SMIM14: variants seen among roughly 807,000 people sequenced by gnomAD.
The protein encoded by SMIM14 is small integral membrane protein 14, also known as chromosome 4 open reading frame 34.
SMIM14 carries 5 observed loss-of-function variants against 12.6 expected under a neutral mutation model. The ratio of observed to expected loss-of-function variants is 0.40; its 90% CI spans 0.21 to 0.83. SMIM14 has a LOEUF of 0.83. SMIM14 is among the 40% of genes least tolerant of loss of function. The probability of loss-of-function intolerance (pLI) is 0.37; values close to 1 mark genes in which losing one functional copy is unlikely to be tolerated. For missense variants in SMIM14, 86 were observed against 119.1 expected (o/e 0.72, Z 1.29); for synonymous variants, 30 against 40.1 (o/e 0.75, Z 0.95).
chr4:39,591,831 G>C (rs1714096608), intron 2 of SMIM14, among the ~76,000 whole-genome samples: 2 of 152,146 alleles, frequency 1.3e-5, no homozygotes, highest in South Asian at 2.1e-4. Flanking sequence ...CTCCCAAAGT[G>C]CTGGGATTAC....
chr4:39,606,034 G>A (rs770664339), intron 1 of SMIM14, among the ~76,000 whole-genome samples: 7 of 151,722 alleles, frequency 4.6e-5, no homozygotes, highest in Non-Finnish European at 8.8e-5. Context: ...CACCGTGCCC[G>A]GCCAGAAACA....
Position 39,548,513 on chromosome 4 carries a change from T to A in SMIM14, c.*3613A>T, listed in dbSNP as rs2109970544. 1 of 152,274 alleles carries A rather than the reference T, an allele frequency of 6.6e-6. No homozygotes were observed. The highest frequency in any genetic ancestry group is 1.5e-5 in the Non-Finnish European group (1 of 68,008). The allele number at this position is 152,274 out of a possible 1,614,324, so 9.4% of individuals were successfully genotyped here. ...GGCCTAAAACAAAATAAATTCTTAA[T>A]GGCATTTGTGGAATGTGTTTAAGAG... is the stretch of plus-strand genomic sequence containing the variant. On this transcript the variant is annotated 3_prime_UTR_variant, in exon 5 of 5. Coordinates refer to ENST00000295958, the MANE Select transcript of SMIM14 (RefSeq NM_174921.3).
rs989028257 is a variant in SMIM14 at position 39,556,566 on chromosome 4, C to T, written c.129G>A (p.Pro43=). Reference sequence around the variant, plus strand: ...TGATGCCATTATCACCAGAGGGTCCCGGTACTAAAGACAAACAAAAAATGT... The same window carrying T: ...TGATGCCATTATCACCAGAGGGTCCTGGTACTAAAGACAAACAAAAAATGT... ...CTDTECLQEL[P]GPSGDNGISV... The change falls in exon 4 of 5, where the codon CCG becomes CCA. Residue 43 remains proline (P), a synonymous_variant. Coordinates refer to ENST00000295958, the MANE Select transcript of SMIM14 (RefSeq NM_174921.3). 16 of 1,592,588 alleles carry T rather than the reference C, an allele frequency of 1.0e-5. No homozygotes were observed. The African/African-American group carries it at 1.1e-4, about 11-fold the overall frequency.
Position 39,572,430 on chromosome 4 carries a change from CTG to C in SMIM14, c.107_108del (p.Thr36ArgfsTer12). On this transcript the variant is annotated frameshift_variant, in exon 3 of 5. Transcript: ENST00000295958. LOFTEE classifies it high-confidence loss of function. ...TGGTACTTACATTCCTGAAGACACT[CTG>C]TGTCTGTGCAGTAGGACTGGGACTG... is the stretch of plus-strand genomic sequence containing the variant. ...LRQSQSYCTDTECLQELPGPS... is the reference protein window; with the variant it reads ...LRQSQSYCTDXECLQELPGPS... The C allele has an allele frequency of 6.2e-7, 1 of 1,610,700 alleles. No individual in the cohort carries two copies. Among genetic ancestry groups the C allele is most frequent in the Non-Finnish European group, 8.5e-7 (1 of 1,178,400 alleles).
At chr4:39,552,899 G>C (rs1298006550) in intron 4 of SMIM14, among the ~76,000 whole-genome samples, 1 of 152,080 alleles carries the variant, frequency 6.6e-6, no homozygotes, top group African/African-American at 2.4e-5. Flanking sequence ...AATGATACAT[G>C]ACGCCCGAGT....
chr4:39,597,706 A>G (rs1714430600), intron 2 of SMIM14, among the ~76,000 whole-genome samples: 1 of 152,174 alleles, frequency 6.6e-6, no homozygotes, highest in African/African-American at 2.4e-5. Flanking sequence ...ATGAGTCTGC[A>G]TTTATAACCG....
intron 1 of SMIM14, among the ~76,000 whole-genome samples, chr4:39,626,489 CCT>C (rs1235243570): frequency 1.3e-5 from 2 of 152,100 alleles, no homozygotes; most frequent in African/African-American, 4.8e-5. Context: ...ATTCAAACGC[CCT>C]GTCTTCTCTC....
chr4:39,572,616 A>C (rs747064011), intron 2 of SMIM14, among the ~76,000 whole-genome samples, 153 bp from the exon 3 acceptor site: 2 of 151,966 alleles, frequency 1.3e-5, no homozygotes, highest in African/African-American at 4.8e-5. Context: ...GAGCTCAGAC[A>C]TTCAAGACCA....
intron 2 of SMIM14, among the ~76,000 whole-genome samples, chr4:39,581,290 T>C (rs1241724789): frequency 1.3e-5 from 2 of 152,158 alleles, no homozygotes; most frequent in African/African-American, 2.4e-5. Context: ...TTTAAGTTCC[T>C]TCTCTATTAA....
intron 2 of SMIM14, among the ~76,000 whole-genome samples, chr4:39,583,231 G>C (rs2110025458): frequency 6.6e-6 from 1 of 152,086 alleles, no homozygotes; most frequent in African/African-American, 2.4e-5. Context: ...TGGGACTATA[G>C]GCACATGCCA....
At chr4:39,594,836 A>G (rs1268594374) in intron 2 of SMIM14, 2 of 151,974 alleles carry the variant, frequency 1.3e-5, no homozygotes, top group African/African-American at 4.8e-5. Context: ...GAGAAATGCA[A>G]ATCAAAACCA....
rs1747391391 is a variant in SMIM14 at position 39,547,605 on chromosome 4, T to C, written c.*4521A>G. 3 of 152,240 alleles carry C rather than the reference T, an allele frequency of 2.0e-5. No homozygotes were observed. Among genetic ancestry groups the C allele is most frequent in the Admixed American group, 2.0e-4 (3 of 15,278 alleles). 9.4% of individuals were successfully genotyped at this position (152,240 alleles called of 1,614,324 possible). A position where few individuals can be genotyped will look rare whatever the true frequency, so the allele number is the denominator to read the frequency against. Reference sequence around the variant, plus strand: ...TTAACCCATTAAACTAGAAACTCTCTTCATTTTTCCTTCTTCAAATTACTG... The same window carrying C: ...TTAACCCATTAAACTAGAAACTCTCCTCATTTTTCCTTCTTCAAATTACTG... On this transcript the variant is annotated 3_prime_UTR_variant, in exon 5 of 5. Transcript: ENST00000295958.
intron 2 of SMIM14, among the ~76,000 whole-genome samples, chr4:39,603,955 G>A (rs1432429141): frequency 6.6e-6 from 1 of 150,942 alleles, no homozygotes; most frequent in Non-Finnish European, 1.5e-5. Context: ...AGGTTGCAGT[G>A]AGCCGAGATC....
intron 3 of SMIM14, among the ~76,000 whole-genome samples, chr4:39,566,867 T>C (rs1177009481): frequency 6.6e-6 from 1 of 152,116 alleles, no homozygotes; most frequent in Non-Finnish European, 1.5e-5. Context: ...CTCGGGAGGC[T>C]GAGGCAGGAG....
At chr4:39,595,251 G>T (rs1235817749) in intron 2 of SMIM14, among the ~76,000 whole-genome samples, 1 of 150,722 alleles carries the variant, frequency 6.6e-6, no homozygotes, top group Non-Finnish European at 1.5e-5. Context: ...CATGTCCTTT[G>T]TAGGGACATG....
chr4:39,560,095 C>G (rs1022635379), intron 3 of SMIM14, among the ~76,000 whole-genome samples: 5 of 152,046 alleles, frequency 3.3e-5, no homozygotes, highest in African/African-American at 1.2e-4. Flanking sequence ...GCACTCCAGC[C>G]TGGGCAACAG....
At chr4:39,635,380 G>A (rs1187692129) in intron 1 of SMIM14, among the ~76,000 whole-genome samples, 1 of 152,168 alleles carries the variant, frequency 6.6e-6, no homozygotes, top group Non-Finnish European at 1.5e-5. Context: ...TCTGAATATG[G>A]ATGGAAAACT....
At chr4:39,553,841 G>A (rs369670816) in intron 4 of SMIM14, among the ~76,000 whole-genome samples, 2 of 151,992 alleles carry the variant, frequency 1.3e-5, no homozygotes, top group Non-Finnish European at 1.5e-5. Flanking sequence ...TGATCCGCCC[G>A]CCTCAGCCTC....
intron 2 of SMIM14, among the ~76,000 whole-genome samples, chr4:39,584,940 C>T (rs889520008): frequency 6.6e-6 from 1 of 151,728 alleles, no homozygotes; most frequent in Admixed American, 6.6e-5. Flanking sequence ...GTTGAGCAAC[C>T]ACTCCAGATT....
Sources: allele counts gnomAD v4.1 joint callset (sites outside exome capture counted in the v4.1 genomes callset), GRCh38; gene constraint gnomAD v4.1.1; transcripts MANE v1.5; gene names NCBI Gene and HGNC (gene_info 2026-07-23, HGNC 2026-07-21).